The following SPG21 variants were observed in gnomAD, a reference collection of about 807,000 sequenced individuals.
SPG21 encodes maspardin.
SPG21 carries 26 observed loss-of-function variants against 38.9 expected under a neutral mutation model. The observed-to-expected ratio is 0.67, with a 90% CI of 0.49 to 0.93. The LOEUF (loss-of-function observed/expected upper bound fraction) is 0.93, where lower values mean the gene tolerates loss of function less well. SPG21 is among the 40% of genes least tolerant of loss of function. The pLI is 0.00. For synonymous variants in SPG21, 136 were observed against 128.9 expected (o/e 1.05, Z -0.37); for missense variants, 333 against 376.5 (o/e 0.88, Z 0.96).
chr15:64,980,302 G>A (rs1403947331), intron 3 of SPG21, among the ~76,000 whole-genome samples: 1 of 152,170 alleles, frequency 6.6e-6, no homozygotes, highest in Non-Finnish European at 1.5e-5. Flanking sequence ...AGGAGAGAAT[G>A]CACGTAAATG....
At chr15:64,978,072 C>T (rs1031781615) in intron 3 of SPG21, among the ~76,000 whole-genome samples, 8 of 147,234 alleles carry the variant, frequency 5.4e-5, no homozygotes, top group African/African-American at 1.7e-4. Context: ...ATCTTGTGAT[C>T]CGCCTGCCTC....
chr15:64,963,579 G>A lies in SPG21; in HGVS notation c.*41C>T. On this transcript the variant is annotated 3_prime_UTR_variant, in exon 9 of 9. Coordinates refer to ENST00000204566, the MANE Select transcript of SPG21 (RefSeq NM_016630.7). ...GGTGCTGATGCCACTGACTATACAA[G>A]AACACACCGGGTCAACTCATCATTG... 1 of 1,551,226 alleles carries A rather than the reference G, an allele frequency of 6.4e-7. No individual in the cohort carries two copies.
chr15:64,965,576 C>T, intron 7 of SPG21, 116 bp from the exon 8 acceptor site: 3 of 1,457,482 alleles, frequency 2.1e-6, no homozygotes, highest in East Asian at 2.4e-5. Flanking sequence ...GAAATGTTAC[C>T]CTAAGTATTC....
At chr15:64,980,715 G>A in intron 3 of SPG21, 149 bp downstream of exon 3, 1 of 970,574 alleles carries the variant, frequency 1.0e-6, no homozygotes. Context: ...TCCAGCCCGG[G>A]CGACAGAGTG....
At position 64,970,078 on chromosome 15, in the gene SPG21, T is replaced by C. The variant is rs745768165; in HGVS notation, c.561+36A>G. On this transcript the variant is annotated intron_variant, in intron 6 of 8. Transcript: ENST00000204566. ...ACCAAGTAGATGTGAAAATTCCCAA[T>C]ACAATGTGTCCCCAACCCAATGTCA... is the stretch of plus-strand genomic sequence containing the variant. The C allele has an allele frequency of 1.2e-5, 18 of 1,519,824 alleles. No individual in the cohort carries two copies. In the African/African-American group the frequency reaches 2.5e-4, roughly 21 times the overall value. 94.1% of individuals were successfully genotyped at this position (1,519,824 alleles called of 1,614,324 possible). A position where few individuals can be genotyped will look rare whatever the true frequency, so the allele number is the denominator to read the frequency against.
Position 64,964,644 on chromosome 15 carries a change from T to C in SPG21, c.810+676A>G, listed in dbSNP as rs558503987. 2.3e-4 allele frequency among the ~76,000 whole-genome samples: 35 copies of C among 151,978 alleles called. No individual in the cohort carries two copies. The South Asian group carries it at 3.3e-3, about 14-fold the overall frequency. On this transcript the variant is annotated intron_variant, in intron 8 of 8. Coordinates refer to ENST00000204566, the MANE Select transcript of SPG21 (RefSeq NM_016630.7). Reference sequence around the variant, plus strand: ...TTAGGGCTTTCTTTTCTTTTCTTTTTTTTTGAGACGGAGTCTTGTTCTGTT... The same window carrying C: ...TTAGGGCTTTCTTTTCTTTTCTTTTCTTTTGAGACGGAGTCTTGTTCTGTT...
At chr15:64,975,527 CAAA>C (rs34728521) in intron 4 of SPG21, among the ~76,000 whole-genome samples, 5 of 126,144 alleles carry the variant, frequency 4.0e-5, no homozygotes, top group Non-Finnish European at 5.0e-5. Flanking sequence ...AAGCCTGTCT[CAAA>C]AAAAAAAAAA....
chr15:64,975,733 C>T (rs1048361155), intron 4 of SPG21, among the ~76,000 whole-genome samples: 1 of 151,924 alleles, frequency 6.6e-6, no homozygotes, highest in Non-Finnish European at 1.5e-5. Context: ...GCTGATGAAT[C>T]GTTAAACAAG....
chr15:64,967,808 T>C (rs2085572994), intron 7 of SPG21, among the ~76,000 whole-genome samples: 2 of 152,102 alleles, frequency 1.3e-5, no homozygotes, highest in Admixed American at 1.3e-4. Context: ...GGGTCTCCTG[T>C]ATTGCCCAGA....
At chr15:64,971,356 G>A (rs1397236703) in intron 5 of SPG21, among the ~76,000 whole-genome samples, 2 of 151,938 alleles carry the variant, frequency 1.3e-5, no homozygotes, top group African/African-American at 2.4e-5. Flanking sequence ...TGGCTAACAC[G>A]GTGAAACCCC....
At chr15:64,988,308 T>C (rs978141590) in intron 1 of SPG21, among the ~76,000 whole-genome samples, 5 of 152,210 alleles carry the variant, frequency 3.3e-5, no homozygotes, top group African/African-American at 1.2e-4. Context: ...CCTGCCACTT[T>C]AAAGTCAACA....
intron 4 of SPG21, among the ~76,000 whole-genome samples, chr15:64,974,977 C>T (rs970592185): frequency 2.0e-5 from 3 of 152,034 alleles, no homozygotes; most frequent in Non-Finnish European, 4.4e-5. Context: ...AAAAAAATAT[C>T]ATTCACAGAT....
At chr15:64,967,598 C>T (rs1391663621) in intron 7 of SPG21, among the ~76,000 whole-genome samples, 4 of 152,240 alleles carry the variant, frequency 2.6e-5, no homozygotes, top group Admixed American at 1.3e-4. Flanking sequence ...CTCAGCCTCC[C>T]GAATAGCTGG....
intron 7 of SPG21, among the ~76,000 whole-genome samples, chr15:64,967,470 C>T (rs2085563513): frequency 7.0e-6 from 1 of 143,844 alleles, no homozygotes; most frequent in South Asian, 2.2e-4. Context: ...GCTAATTTTC[C>T]TTTTTTTTTT....
chr15:64,975,875 C>T (rs534420971), intron 4 of SPG21, among the ~76,000 whole-genome samples: 5 of 151,316 alleles, frequency 3.3e-5, no homozygotes, highest in Admixed American at 6.6e-5. Flanking sequence ...ACATATGATA[C>T]GATTCCACTT....
chr15:64,981,104 G>T, intron 2 of SPG21, 79 bp from the exon 3 acceptor site: 1 of 1,559,066 alleles, frequency 6.4e-7, no homozygotes, highest in South Asian at 1.1e-5. Flanking sequence ...TCATTTCACT[G>T]ACAATTTTAC....
chr15:64,985,804 A>C (rs2085980771), intron 1 of SPG21, among the ~76,000 whole-genome samples: 1 of 152,202 alleles, frequency 6.6e-6, no homozygotes, highest in South Asian at 2.1e-4. Context: ...CAGTAGACTC[A>C]ACTGTGACCT....
chr15:64,972,228 A>T (rs1482722906), intron 5 of SPG21, among the ~76,000 whole-genome samples: 2 of 152,042 alleles, frequency 1.3e-5, no homozygotes, highest in Non-Finnish European at 2.9e-5. Context: ...TCACTTTCTT[A>T]TCTTTTGAAG....
chr15:64,968,356 A>G (rs555781114), intron 7 of SPG21, among the ~76,000 whole-genome samples: 6 of 151,580 alleles, frequency 4.0e-5, no homozygotes, highest in East Asian at 1.9e-4. Flanking sequence ...AAAAAAAAAA[A>G]AAAGAAAGAA....
Sources: gnomAD v4.1 joint callset for allele counts (sites outside exome capture counted in the v4.1 genomes callset) on GRCh38, gnomAD v4.1.1 for gene constraint, MANE v1.5 for transcripts, NCBI Gene and HGNC (gene_info 2026-07-23, HGNC 2026-07-21) for gene names.